The following ECHDC2 variants were observed in gnomAD, a reference collection of about 807,000 sequenced individuals.
ECHDC2 encodes enoyl-CoA hydratase domain-containing protein 2, mitochondrial.
Under a neutral mutation model 40.6 loss-of-function variants are expected in ECHDC2, and 34 were observed. The observed-to-expected ratio is 0.84, with a 90% CI of 0.64 to 1.11. The LOEUF is 1.11. Among genes scored for constraint, ECHDC2 ranks in the 50% most tolerant of loss-of-function variants. The pLI is 0.00. For missense variants in ECHDC2, 392 were observed against 400.7 expected (o/e 0.98, Z 0.19); for synonymous variants, 162 against 166.6 (o/e 0.97, Z 0.21).
intron 3 of ECHDC2, among the ~76,000 whole-genome samples, chr1:52,908,736 C>T (rs553821517): frequency 1.3e-5 from 2 of 151,932 alleles, no homozygotes; most frequent in African/African-American, 4.8e-5. Flanking sequence ...GAGTTCAAGA[C>T]CAGCCTGGCC....
intron 8 of ECHDC2, 97 bp downstream of exon 8, chr1:52,899,077 G>T: frequency 7.8e-7 from 1 of 1,280,354 alleles, no homozygotes; most frequent in Middle Eastern, 1.8e-4. Flanking sequence ...TCCACTTCCT[G>T]AGTTTTTCCC....
chr1:52,905,156 C>A lies in ECHDC2; in HGVS notation c.458-66G>T, dbSNP rs1647452676. 2.6e-6 allele frequency: 4 copies of A among 1,549,130 alleles called. No individual in the cohort carries two copies. In the African/African-American group the frequency reaches 4.1e-5, roughly 16 times the overall value. ...GGTCCCCCAGTGCTAATCCCGGGGGCCACAGCTGCCTCTGCTGTCTACTCG... is the reference window on the plus strand; with the variant it reads ...GGTCCCCCAGTGCTAATCCCGGGGGACACAGCTGCCTCTGCTGTCTACTCG... On this transcript the variant is annotated intron_variant, in intron 5 of 9. Transcript: ENST00000371522.
intron 8 of ECHDC2, chr1:52,898,617 T>A (rs1042375642): frequency 6.1e-6 from 1 of 163,582 alleles, no homozygotes; most frequent in Admixed American, 5.6e-5. Flanking sequence ...TATCCTTGAT[T>A]TGTGTCTGTA....
At chr1:52,906,789 G>GA (rs1647987151) in intron 4 of ECHDC2, among the ~76,000 whole-genome samples, 178 bp from the exon 5 acceptor site, 4 of 149,586 alleles carry the variant, frequency 2.7e-5, no homozygotes, top group Non-Finnish European at 1.5e-5. Flanking sequence ...TTTTGAGACG[G>GA]AGTCTTGTTC....
intron 1 of ECHDC2, 58 bp from the exon 2 acceptor site, chr1:52,911,848 C>T (rs967637431): frequency 3.9e-5 from 62 of 1,597,906 alleles, no homozygotes; most frequent in Admixed American, 1.0e-4. Context: ...TCCTGGGCTG[C>T]GGGCTGGGGA....
chr1:52,920,744 TAAAA>T, intron 1 of ECHDC2: 1 of 453,410 alleles, frequency 2.2e-6, no homozygotes, highest in South Asian at 2.6e-5. Flanking sequence ...AAACTTTTGT[TAAAA>T]AAAAAAAAGA....
At position 52,921,633 on chromosome 1, in the gene ECHDC2, AG is replaced by A; in HGVS notation, c.40del (p.Leu14PhefsTer33). ...VLCLLRPWRPLRARGCASDGA... is the reference protein window; with the variant it reads ...VLCLLRPWRPXRARGCASDGA... ...GTCGGAAGCGCAGCCGCGGGCCCGA[AG>A]GGGCCTCCAGGGGCGCAGGAGGCAC... On this transcript the variant is annotated frameshift_variant, in exon 1 of 10. Coordinates refer to ENST00000371522, the MANE Select transcript of ECHDC2 (RefSeq NM_001198961.2). LOFTEE classifies it high-confidence loss of function. 1 of 1,586,246 alleles carries A rather than the reference AG, an allele frequency of 6.3e-7. No individual in the cohort carries two copies. The highest frequency in any genetic ancestry group is 1.1e-5 in the South Asian group (1 of 87,304).
chr1:52,911,509 C>A, intron 3 of ECHDC2, 57 bp downstream of exon 3: 1 of 1,550,172 alleles, frequency 6.5e-7, no homozygotes, highest in Non-Finnish European at 8.9e-7. Context: ...TCCCCCAACC[C>A]CTGGAGGCTG....
rs933688915 is a variant in ECHDC2 at position 52,900,464 on chromosome 1, A to G, written c.703-1240T>C. On this transcript the variant is annotated intron_variant, in intron 7 of 9. Transcript: ENST00000371522. ...TTCTTCCATGTTTGAATTCCTTACT[A>G]TGCATATTTAAATTTTGTTTTTAAA... The G allele has an allele frequency of 2.6e-5, 4 of 152,202 alleles. No homozygotes were observed. In the East Asian group the frequency reaches 7.7e-4, roughly 29 times the overall value. The allele number at this position is 152,202 out of a possible 1,614,324, so 9.4% of individuals were successfully genotyped here. A position where few individuals can be genotyped will look rare whatever the true frequency, so the allele number is the denominator to read the frequency against.
intron 1 of ECHDC2, among the ~76,000 whole-genome samples, chr1:52,919,223 CT>C (rs1651381525): frequency 6.6e-6 from 1 of 152,170 alleles, no homozygotes; most frequent in South Asian, 2.1e-4. Flanking sequence ...TTCACATTCA[CT>C]CACCATTCAC....
chr1:52,899,528 G>A (rs949576911), intron 7 of ECHDC2: 3 of 396,872 alleles, frequency 7.6e-6, no homozygotes, highest in Non-Finnish European at 1.4e-5. Flanking sequence ...ATCTAATGGT[G>A]CTACCCACAC....
At position 52,907,868 on chromosome 1, in the gene ECHDC2, CG is replaced by C; in HGVS notation, c.363del (p.Ile121MetfsTer21). On this transcript the variant is annotated frameshift_variant and splice_region_variant, in exon 4 of 10. Coordinates refer to ENST00000371522, the MANE Select transcript of ECHDC2 (RefSeq NM_001198961.2). LOFTEE classifies it high-confidence loss of function. ...CTCCACCCCACACCCAGATCCTCAC[CG>C]ATGTCATTCATCAGGCCCCGGAGTC... The part of the protein sequence containing the change: ...VQRLRGLMND[I>X]AAFPAPTIAA... The C allele has an allele frequency of 1.2e-6, 2 of 1,613,302 alleles. No homozygotes were observed. Among genetic ancestry groups the C allele is most frequent in the Non-Finnish European group, 1.7e-6 (2 of 1,179,338 alleles).
rs1261048247 is a variant in ECHDC2, at chr1:52,908,656, A to G, written c.278-702T>C. ...CCAATTCAGAAATGGGCAAAGGGCC[A>G]GGCGCAGTGGCTCACACCTGTAATC... On this transcript the variant is annotated intron_variant, in intron 3 of 9. Transcript: ENST00000371522. 2.0e-5 allele frequency among the ~76,000 whole-genome samples: 3 copies of G among 151,064 alleles called. No individual in the cohort carries two copies. In the East Asian group the frequency reaches 6.0e-4, roughly 30 times the overall value.
In ECHDC2 at chr1:52,921,644, G is replaced by A; in HGVS notation, c.30C>T (p.Pro10=). 6.3e-7 allele frequency: 1 copy of A among 1,585,520 alleles called. No individual in the cohort carries two copies. The highest frequency in any genetic ancestry group is 1.1e-5 in the South Asian group (1 of 87,116). Reference sequence around the variant, plus strand: ...AGCCGCGGGCCCGAAGGGGCCTCCAGGGGCGCAGGAGGCACAGAACGCGCA... The same window carrying A: ...AGCCGCGGGCCCGAAGGGGCCTCCAAGGGCGCAGGAGGCACAGAACGCGCA... The part of the protein sequence containing the change: MLRVLCLLR[P]WRPLRARGCA... Residue 10 remains proline (P), a synonymous_variant, in exon 1 of 10, where the codon CCC becomes CCT. Coordinates refer to ENST00000371522, the MANE Select transcript of ECHDC2 (RefSeq NM_001198961.2).
In ECHDC2 at chr1:52,899,238, A is replaced by G. The variant is rs201833491; in HGVS notation, c.703-14T>C. On this transcript the variant is annotated splice_polypyrimidine_tract_variant and intron_variant, in intron 7 of 9. Coordinates refer to ENST00000371522, the MANE Select transcript of ECHDC2 (RefSeq NM_001198961.2). ...GGCAATGGGGGCCTAGGGAAAAGCA[A>G]AAAGTCTTGGTTGAGGAGGGCATCA... 16 of 1,469,276 alleles carry G rather than the reference A, an allele frequency of 1.1e-5. No homozygotes were observed. In the African/African-American group the frequency reaches 2.2e-4, roughly 20 times the overall value. The allele number at this position is 1,469,276 out of a possible 1,614,324, so 91.0% of individuals were successfully genotyped here.
intron 1 of ECHDC2, among the ~76,000 whole-genome samples, chr1:52,919,763 G>A (rs754302459): frequency 3.9e-5 from 6 of 152,192 alleles, no homozygotes; most frequent in Non-Finnish European, 7.3e-5. Context: ...TGAGGGCTCC[G>A]TGTGTGATCT....
chr1:52,917,662 A>G (rs1173821251), intron 1 of ECHDC2: 1 of 455,976 alleles, frequency 2.2e-6, no homozygotes, highest in Non-Finnish European at 4.4e-6. Flanking sequence ...GCACAGCATG[A>G]TGATGTTTTA....
intron 1 of ECHDC2, chr1:52,912,209 G>GTTTT (rs34670458): frequency 5.7e-5 from 9 of 157,098 alleles, no homozygotes; most frequent in East Asian, 1.8e-4. Flanking sequence ...GAGTTTTGCT[G>GTTTT]TTTTTTTTTT....
intron 1 of ECHDC2, chr1:52,920,525 G>C (rs1355660216): frequency 8.5e-6 from 13 of 1,534,102 alleles, no homozygotes; most frequent in Middle Eastern, 4.6e-4. Flanking sequence ...AGAAACTCGA[G>C]GAGCTAAAAT....
Sources: allele counts gnomAD v4.1 joint callset (sites outside exome capture counted in the v4.1 genomes callset), GRCh38; gene constraint gnomAD v4.1.1; transcripts MANE v1.5; gene names NCBI Gene and HGNC (gene_info 2026-07-23, HGNC 2026-07-21).